BBS2: variants seen among roughly 807,000 people sequenced by gnomAD.
The protein encoded by BBS2 is Bardet-Biedl syndrome 2.
A neutral mutation model predicts 83.0 loss-of-function variants in BBS2; 62 were observed. The ratio of observed to expected loss-of-function variants is 0.75; its 90% CI spans 0.61 to 0.92. The LOEUF is 0.92. Ranked by LOEUF, BBS2 falls within the 40% of genes least tolerant of loss-of-function variation. The pLI, the probability that BBS2 is intolerant of heterozygous loss-of-function variation, is 0.00. For synonymous variants in BBS2, 303 were observed against 326.1 expected (o/e 0.93, Z 0.76); for missense variants, 784 against 901.0 (o/e 0.87, Z 1.66).
downstream of BBS2, among the ~76,000 whole-genome samples, chr16:56,482,351 C>CATTT (rs547265546): frequency 3.8e-3 from 585 of 151,996 alleles, 3 homozygotes; most frequent in African/African-American, 0.013. Flanking sequence ...CTGTGAGGCA[C>CATTT]ATTTATTTAT....
intron 5 of BBS2, among the ~76,000 whole-genome samples, chr16:56,508,890 C>T (rs1567581235): frequency 6.6e-6 from 1 of 152,128 alleles, no homozygotes; most frequent in East Asian, 1.9e-4. Flanking sequence ...CTCAAGTGAT[C>T]CTCCCACCTT....
At chr16:56,493,466 G>A (rs1375726954) in intron 15 of BBS2, among the ~76,000 whole-genome samples, 2 of 151,664 alleles carry the variant, frequency 1.3e-5, no homozygotes, top group Non-Finnish European at 2.9e-5. Flanking sequence ...CATGAAGAGG[G>A]GTGTGTGTGT....
chr16:56,494,823 T>C lies in BBS2; in HGVS notation c.1910+2144A>G, dbSNP rs1299443198. ...TGAAAATACAAAAAATTAGCCGGGC[T>C]TGGTGGCGGGCGCCTGTAGTCCCAG... is the stretch of plus-strand genomic sequence containing the variant. On this transcript the variant is annotated intron_variant, in intron 15 of 16. Transcript: ENST00000245157. 2.0e-5 allele frequency among the ~76,000 whole-genome samples: 3 copies of C among 151,658 alleles called. No homozygotes were observed. The East Asian group carries it at 5.8e-4, about 30-fold the overall frequency.
chr16:56,485,809 T>C, intron 15 of BBS2, 71 bp from the exon 16 acceptor site: 1 of 1,430,664 alleles, frequency 7.0e-7, no homozygotes, highest in South Asian at 1.2e-5. Flanking sequence ...CTTGCAAATT[T>C]CTTAGACATA....
In BBS2 at chr16:56,502,697, TTAACTG is replaced by T. The variant is rs772156950; in HGVS notation, c.910_915del (p.Gln304_Leu305del). On this transcript the variant is annotated inframe_deletion, in exon 8 of 17. Transcript: ENST00000245157. ...CTTTCCCCATCCACTGAGCAGCAGA[TTAACTG>T]TATGTGGCCATCCATCCGGTAATCT... is the stretch of plus-strand genomic sequence containing the variant. 1 of 1,614,212 alleles carries T rather than the reference TTAACTG, an allele frequency of 6.2e-7. No individual in the cohort carries two copies. The highest frequency in any genetic ancestry group is 1.1e-5 in the South Asian group (1 of 91,084).
chr16:56,497,858 A>G lies in BBS2; in HGVS notation c.1682T>C (p.Ile561Thr), dbSNP rs745378319. The part of the protein sequence containing the change: ...SGEITINTDD[I>T]DLAGDIIQSM... ...CTGGATGATATCACCAGCCAAATCA[A>G]TATCATCAGTATTTATAGTGATCTA... Residue 561 changes from isoleucine (I) to threonine (T), a missense_variant, in exon 14 of 17, where the codon ATT becomes ACT. Ile to Thr is a moderately conservative substitution (Grantham distance 89, BLOSUM62 -1). Transcript: ENST00000245157. 2.0e-5 allele frequency: 33 copies of G among 1,611,678 alleles called. 1 individual carries two copies. In the Middle Eastern group the frequency reaches 4.9e-4, roughly 24 times the overall value.
At chr16:56,478,409 ACT>A (rs1484994846) in intron 17 of BBS2, 1 of 152,098 alleles carries the variant, frequency 6.6e-6, no homozygotes, top group Non-Finnish European at 1.5e-5. Flanking sequence ...GTGTAGCAAC[ACT>A]CAAGTGGGAT....
At chr16:56,488,103 T>C (rs1335609994) in intron 15 of BBS2, among the ~76,000 whole-genome samples, 1 of 152,204 alleles carries the variant, frequency 6.6e-6, no homozygotes, top group East Asian at 1.9e-4. Flanking sequence ...TAGTTCACCA[T>C]GAGTGGGGAA....
intron 15 of BBS2, among the ~76,000 whole-genome samples, chr16:56,488,984 T>C (rs1389059797): frequency 6.6e-6 from 1 of 152,170 alleles, no homozygotes; most frequent in Admixed American, 6.5e-5. Context: ...TCTTGCTATA[T>C]TGCCCAGGCT....
chr16:56,475,670 A>C, intron 17 of BBS2: 1 of 886,286 alleles, frequency 1.1e-6, no homozygotes, highest in South Asian at 1.4e-5. Flanking sequence ...TTAGCTAATA[A>C]ATCTCTGCCA....
chr16:56,484,610 A>C lies in BBS2; in HGVS notation c.*151T>G. On this transcript the variant is annotated 3_prime_UTR_variant, in exon 17 of 17. Coordinates refer to ENST00000245157, the MANE Select transcript of BBS2 (RefSeq NM_031885.5). ...AAATAGAAAGCAAGTCTATCTTCAC[A>C]TGTAGTTCTTTGTCTTTAATTTGTA... 1.5e-6 allele frequency: 1 copy of C among 674,178 alleles called. No individual in the cohort carries two copies. The highest frequency in any genetic ancestry group is 2.7e-6 in the Non-Finnish European group (1 of 370,262). 41.8% of individuals were successfully genotyped at this position (674,178 alleles called of 1,614,324 possible). A position where few individuals can be genotyped will look rare whatever the true frequency, so the allele number is the denominator to read the frequency against.
chr16:56,490,159 AATAAT>A lies in BBS2; in HGVS notation c.1911-4426_1911-4422del, dbSNP rs1451722935. ...ACACACACACACACACAAAAATAAT[AATAAT>A]ATAATAATAATGTGATAGTCATAAG... On this transcript the variant is annotated intron_variant, in intron 15 of 16. Coordinates refer to ENST00000245157, the MANE Select transcript of BBS2 (RefSeq NM_031885.5). Among the ~76,000 whole-genome samples the A allele has an allele frequency of 5.3e-5, 8 of 151,858 alleles. No homozygotes were observed. In the East Asian group the frequency reaches 1.2e-3, roughly 22 times the overall value.
intron 15 of BBS2, among the ~76,000 whole-genome samples, chr16:56,489,545 C>T (rs540367363): frequency 7.9e-5 from 12 of 152,036 alleles, no homozygotes; most frequent in African/African-American, 2.9e-4. Context: ...ACCTGTAATC[C>T]CAGCACTTTG....
intron 15 of BBS2, among the ~76,000 whole-genome samples, chr16:56,494,423 A>G (rs1030624280): frequency 6.6e-6 from 1 of 152,134 alleles, no homozygotes; most frequent in Non-Finnish European, 1.5e-5. Context: ...TAAAAACAAT[A>G]ATCAACCCAG....
At chr16:56,487,002 G>A (rs1403947211) in intron 15 of BBS2, among the ~76,000 whole-genome samples, 2 of 151,996 alleles carry the variant, frequency 1.3e-5, no homozygotes, top group Non-Finnish European at 2.9e-5. Flanking sequence ...GGCTTCAAGT[G>A]ATCCACCCAC....
At chr16:56,510,228 G>A (rs565348667) in intron 4 of BBS2, among the ~76,000 whole-genome samples, 194 bp from the exon 5 acceptor site, 57 of 152,252 alleles carry the variant, frequency 3.7e-4, no homozygotes, top group Middle Eastern at 3.4e-3. Context: ...AAGGAACAGG[G>A]GCTACTGCAG....
chr16:56,470,991 A>T (rs1478898972), intron 17 of BBS2, among the ~76,000 whole-genome samples: 1 of 152,184 alleles, frequency 6.6e-6, no homozygotes, highest in African/African-American at 2.4e-5. Flanking sequence ...GTATACATGA[A>T]CAACAAGAAA....
At chr16:56,493,400 A>C (rs971131508) in intron 15 of BBS2, among the ~76,000 whole-genome samples, 1 of 151,432 alleles carries the variant, frequency 6.6e-6, no homozygotes, top group Admixed American at 6.6e-5. Context: ...AAAAAAAAAA[A>C]AAAAAAAAAC....
intron 17 of BBS2, chr16:56,470,725 A>T (rs1297026943): frequency 6.2e-6 from 10 of 1,613,872 alleles, no homozygotes; most frequent in Middle Eastern, 1.6e-4. Context: ...GATGGCCATC[A>T]GCAACAACAG....
Sources: allele counts gnomAD v4.1 joint callset (sites outside exome capture counted in the v4.1 genomes callset), GRCh38; gene constraint gnomAD v4.1.1; transcripts MANE v1.5; gene names NCBI Gene and HGNC (gene_info 2026-07-23, HGNC 2026-07-21).